Variants in OXR1 observed in about 807,000 individuals in gnomAD.
OXR1 encodes oxidation resistance protein 1.
OXR1 carries 41 observed loss-of-function variants against 104.6 expected under a neutral mutation model. The ratio of observed to expected loss-of-function variants is 0.39; its 90% CI spans 0.31 to 0.51. OXR1 has a LOEUF of 0.51. Among genes scored for constraint, OXR1 ranks in the 20% least tolerant of loss-of-function variants. The pLI is 0.77. For missense variants in OXR1, 955 were observed against 1,031.9 expected, an observed-to-expected ratio of 0.93 and a Z score of 1.02; for synonymous variants, 348 against 348.4, an observed-to-expected ratio of 1.00 and a Z score of 0.01.
At chr8:106,600,512 G>C (rs2130748978) in intron 3 of OXR1, among the ~76,000 whole-genome samples, 1 of 152,296 alleles carries the variant, frequency 6.6e-6, no homozygotes, top group Non-Finnish European at 1.5e-5. Flanking sequence ...CATATTAGTG[G>C]TGGTAGTGAT....
chr8:106,623,912 A>G (rs2130858816), intron 3 of OXR1, among the ~76,000 whole-genome samples: 1 of 152,316 alleles, frequency 6.6e-6, no homozygotes, highest in South Asian at 2.1e-4. Flanking sequence ...GACTACCTCA[A>G]TCTATTCCTT....
rs149128771 is a variant in OXR1 at position 106,491,889 on chromosome 8, G to A, written c.24-27054G>A. Among the ~76,000 whole-genome samples, 1,255 of 152,104 alleles carry A rather than the reference G, an allele frequency of 8.3e-3. 9 individuals carry two copies. Among genetic ancestry groups the A allele is most frequent in the Non-Finnish European group, 0.013 (899 of 67,994 alleles). On this transcript the variant is annotated intron_variant, in intron 2 of 16. Coordinates refer to ENST00000517566, the MANE Select transcript of OXR1 (RefSeq NM_001198533.2). The stretch of plus-strand genomic sequence containing the variant: ...AAGTTATCTTTGTCACCTTTAGTAT[G>A]TTACCTCTCAATTTAACAATGAAAA...
chr8:106,627,229 T>C (rs2130873449), intron 3 of OXR1, among the ~76,000 whole-genome samples: 1 of 152,266 alleles, frequency 6.6e-6, no homozygotes, highest in Non-Finnish European at 1.5e-5. Flanking sequence ...AAGAGAACAT[T>C]CCTTCCAAAT....
chr8:106,530,141 AT>A (rs1301829809), intron 3 of OXR1, among the ~76,000 whole-genome samples: 4 of 152,228 alleles, frequency 2.6e-5, no homozygotes, highest in African/African-American at 9.6e-5. Context: ...GTGAAGTAAT[AT>A]GTCTACATTT....
intron 2 of OXR1, among the ~76,000 whole-genome samples, chr8:106,465,558 C>G (rs1186067923): frequency 6.6e-6 from 1 of 151,872 alleles, no homozygotes; most frequent in East Asian, 1.9e-4. Flanking sequence ...ATGCTGTTGA[C>G]TTGGGCTAGA....
chr8:106,359,001 T>A (rs1816116107), intron 1 of OXR1, among the ~76,000 whole-genome samples: 1 of 152,182 alleles, frequency 6.6e-6, no homozygotes, highest in Non-Finnish European at 1.5e-5. Context: ...ATGAATAATA[T>A]TTTGTTAAAG....
intron 2 of OXR1, among the ~76,000 whole-genome samples, chr8:106,431,234 T>C (rs565773974): frequency 6.6e-6 from 1 of 152,300 alleles, no homozygotes; most frequent in Non-Finnish European, 1.5e-5. Context: ...TGAGTCTAAA[T>C]TGCTGACCTA....
At chr8:106,377,092 G>C (rs116507312) in intron 2 of OXR1, among the ~76,000 whole-genome samples, 4,162 of 152,190 alleles carry the variant, frequency 0.027, 59 homozygotes, top group Non-Finnish European at 0.032. Flanking sequence ...CCACAAAAAG[G>C]GGGGAGAACT....
intron 11 of OXR1, among the ~76,000 whole-genome samples, chr8:106,723,867 G>A (rs968779882): frequency 6.6e-6 from 1 of 151,856 alleles, no homozygotes; most frequent in African/African-American, 2.4e-5. Flanking sequence ...ACAGCTCACT[G>A]CATCCTCGAA....
chr8:106,383,077 C>G (rs934229546), intron 2 of OXR1, among the ~76,000 whole-genome samples: 2 of 151,682 alleles, frequency 1.3e-5, no homozygotes, highest in Admixed American at 1.3e-4. Flanking sequence ...AGATTGGTAA[C>G]CATATCTTTG....
intron 3 of OXR1, among the ~76,000 whole-genome samples, chr8:106,547,738 C>T (rs183249370): frequency 1.5e-4 from 23 of 152,156 alleles, no homozygotes; most frequent in African/African-American, 4.6e-4. Flanking sequence ...TCACCTGCCT[C>T]GTGGATCACC....
rs372372892 is a variant in OXR1, at chr8:106,707,093, G to A, written c.1572G>A (p.Val524=). Residue 524 remains valine (V), a synonymous_variant, in exon 9 of 17, where the codon GTG becomes GTA. Transcript: ENST00000517566. ...TKQQRENIQQ[V]SQKEAKHKIT... The stretch of plus-strand genomic sequence containing the variant: ...AGCAAAGGGAAAATATTCAACAAGT[G>A]TCACAAAAAGAAGCTAAGCATAAAA... 49 of 1,613,778 alleles carry A rather than the reference G, an allele frequency of 3.0e-5. No homozygotes were observed. The highest frequency in any genetic ancestry group is 4.2e-5 in the Non-Finnish European group (49 of 1,179,886).
At chr8:106,580,326 A>C (rs1305331915) in intron 3 of OXR1, among the ~76,000 whole-genome samples, 1 of 152,196 alleles carries the variant, frequency 6.6e-6, no homozygotes, top group Non-Finnish European at 1.5e-5. Flanking sequence ...AATCTTACAT[A>C]GTTATCTTCT....
At chr8:106,294,395 CAAAAAA>C (rs1200997871) in intron 1 of OXR1, among the ~76,000 whole-genome samples, 6 of 70,376 alleles carry the variant, frequency 8.5e-5, no homozygotes, top group South Asian at 5.3e-4. Flanking sequence ...GACTCTGTCT[CAAAAAA>C]AAAAAAAAAA....
intron 1 of OXR1, among the ~76,000 whole-genome samples, chr8:106,351,754 G>C (rs1294584545): frequency 1.3e-5 from 2 of 152,118 alleles, no homozygotes; most frequent in Non-Finnish European, 2.9e-5. Flanking sequence ...ATTACCACCA[G>C]CATCTCCTTG....
At chr8:106,585,190 C>T (rs912535435) in intron 3 of OXR1, among the ~76,000 whole-genome samples, 1 of 152,058 alleles carries the variant, frequency 6.6e-6, no homozygotes, top group Non-Finnish European at 1.5e-5. Flanking sequence ...CAGTCTACAA[C>T]AGCAACTATG....
intron 3 of OXR1, among the ~76,000 whole-genome samples, chr8:106,544,207 C>CTTTTTT (rs71307066): frequency 7.4e-4 from 100 of 135,384 alleles, no homozygotes; most frequent in East Asian, 1.7e-3. Context: ...TTTTCTTTTT[C>CTTTTTT]TTTTTTTTTT....
At chr8:106,324,310 T>C (rs1024527710) in intron 1 of OXR1, among the ~76,000 whole-genome samples, 1 of 152,050 alleles carries the variant, frequency 6.6e-6, no homozygotes, top group African/African-American at 2.4e-5. Flanking sequence ...AGCTAAATGA[T>C]AAAACTTATG....
In OXR1 at chr8:106,608,029, CT is replaced by C. The variant is rs573295998; in HGVS notation, c.221-71180del. 3.3e-5 allele frequency among the ~76,000 whole-genome samples: 5 copies of C among 152,294 alleles called. No individual in the cohort carries two copies. The South Asian group carries it at 8.3e-4, about 25-fold the overall frequency. On this transcript the variant is annotated intron_variant, in intron 3 of 16. Coordinates refer to ENST00000517566, the MANE Select transcript of OXR1 (RefSeq NM_001198533.2). ...GGGCACTGTGGCTCATTGCTGTAAT[CT>C]CAGCACTTTGGGAGGCCAAGGCAGG...
Sources: allele counts gnomAD v4.1 joint callset (sites outside exome capture counted in the v4.1 genomes callset), GRCh38; gene constraint gnomAD v4.1.1; transcripts MANE v1.5; gene names NCBI Gene and HGNC (gene_info 2026-07-23, HGNC 2026-07-21).